RAB27B: variants seen among roughly 807,000 people sequenced by gnomAD.
The protein encoded by RAB27B is ras-related protein Rab-27B.
In RAB27B, 15 loss-of-function variants were observed where a neutral mutation model predicts 24.6. The observed-to-expected ratio is 0.61, with a 90% CI of 0.41 to 0.94. The LOEUF (loss-of-function observed/expected upper bound fraction) is 0.94. Among genes scored for constraint, RAB27B ranks in the 40% least tolerant of loss-of-function variants. The pLI is 0.00. For synonymous variants in RAB27B, 105 were observed against 92.5 expected, an observed-to-expected ratio of 1.14 and a Z score of -0.78; for missense variants, 261 against 266.8, an observed-to-expected ratio of 0.98 and a Z score of 0.15.
chr18:54,852,265 C>A (rs908602630), intron 1 of RAB27B, among the ~76,000 whole-genome samples: 1 of 152,126 alleles, frequency 6.6e-6, no homozygotes, highest in Non-Finnish European at 1.5e-5. Flanking sequence ...GATGACCCTA[C>A]AAATCCCTAC....
At chr18:54,739,039 G>A (rs1909988784) in intron 2 of RAB27B, among the ~76,000 whole-genome samples, 2 of 152,236 alleles carry the variant, frequency 1.3e-5, no homozygotes, top group South Asian at 2.1e-4. Flanking sequence ...ACATATAAAT[G>A]CATCATACAA....
At chr18:54,720,267 C>A (rs1909317705) in intron 2 of RAB27B, among the ~76,000 whole-genome samples, 1 of 151,966 alleles carries the variant, frequency 6.6e-6, no homozygotes, top group Non-Finnish European at 1.5e-5. Flanking sequence ...TATCCCAAGG[C>A]CTTGAAAAGT....
At chr18:54,822,871 C>A (rs545568101) in intron 2 of RAB27B, among the ~76,000 whole-genome samples, 2 of 152,174 alleles carry the variant, frequency 1.3e-5, no homozygotes, top group Non-Finnish European at 2.9e-5. Flanking sequence ...ATGTGAACAT[C>A]ACTCGTGAAA....
chr18:54,862,376 A>G (rs1213309111), intron 1 of RAB27B, among the ~76,000 whole-genome samples: 1 of 152,212 alleles, frequency 6.6e-6, no homozygotes, highest in East Asian at 1.9e-4. Context: ...CTATGTGCCA[A>G]GCTTTGCTGA....
intron 2 of RAB27B, among the ~76,000 whole-genome samples, chr18:54,767,084 G>A (rs891660684): frequency 1.3e-5 from 2 of 152,086 alleles, no homozygotes; most frequent in Admixed American, 1.3e-4. Context: ...GAAGAAGGTG[G>A]GGAAACTTTA....
At chr18:54,842,490 A>G (rs1469199488) in intron 1 of RAB27B, among the ~76,000 whole-genome samples, 1 of 143,206 alleles carries the variant, frequency 7.0e-6, no homozygotes, top group Non-Finnish European at 1.5e-5. Context: ...TTTAAGCATA[A>G]CTAGGTTTAT....
At chr18:54,810,083 A>G (rs943432288) in intron 2 of RAB27B, among the ~76,000 whole-genome samples, 1 of 152,214 alleles carries the variant, frequency 6.6e-6, no homozygotes, top group Non-Finnish European at 1.5e-5. Flanking sequence ...CATCCTCAAC[A>G]TATACAAAGA....
At chr18:54,884,621 G>C (rs3737476) in intron 4 of RAB27B, among the ~76,000 whole-genome samples, 185 bp downstream of exon 4, 42,982 of 152,070 alleles carry the variant, frequency 0.28, 6,198 homozygotes, top group East Asian at 0.36. Context: ...ACCCTAGGTA[G>C]CTTGGAATAG....
chr18:54,735,443 C>T (rs769036333), intron 2 of RAB27B, among the ~76,000 whole-genome samples: 3 of 152,158 alleles, frequency 2.0e-5, no homozygotes, highest in African/African-American at 4.8e-5. Context: ...CCTATCTAGA[C>T]GATGCATGGG....
intron 1 of RAB27B, among the ~76,000 whole-genome samples, chr18:54,863,628 C>A (rs1912093069): frequency 6.6e-6 from 1 of 152,136 alleles, no homozygotes; most frequent in Non-Finnish European, 1.5e-5. Context: ...AACACGTTCA[C>A]CCTTCCCCAC....
intron 1 of RAB27B, among the ~76,000 whole-genome samples, chr18:54,868,892 C>T (rs1169489210): frequency 1.3e-5 from 2 of 152,162 alleles, no homozygotes; most frequent in Non-Finnish European, 2.9e-5. Context: ...AGGCTATCAG[C>T]ATTTAAAAAT....
chr18:54,851,225 G>C (rs896491191), intron 1 of RAB27B, among the ~76,000 whole-genome samples: 1 of 151,944 alleles, frequency 6.6e-6, no homozygotes, highest in Admixed American at 6.6e-5. Flanking sequence ...TATTCATTTT[G>C]TCTCTCTATA....
chr18:54,855,540 G>C (rs1911750434), intron 1 of RAB27B, among the ~76,000 whole-genome samples: 1 of 152,118 alleles, frequency 6.6e-6, no homozygotes, highest in Non-Finnish European at 1.5e-5. Flanking sequence ...CTCTTGAGTG[G>C]AGTTCCCTCT....
chr18:54,738,324 TATA>T (rs1207475623), intron 2 of RAB27B, among the ~76,000 whole-genome samples: 2 of 152,168 alleles, frequency 1.3e-5, no homozygotes, highest in Non-Finnish European at 2.9e-5. Flanking sequence ...CATCTCAAAT[TATA>T]ATCCCCATAA....
At chr18:54,797,589 A>G (rs1464653936) in intron 2 of RAB27B, among the ~76,000 whole-genome samples, 2 of 152,230 alleles carry the variant, frequency 1.3e-5, no homozygotes, top group Non-Finnish European at 2.9e-5. Flanking sequence ...TCTAAAGAAC[A>G]GCCTTTCTCA....
At chr18:54,763,430 G>A (rs990962254) in intron 2 of RAB27B, among the ~76,000 whole-genome samples, 1 of 152,128 alleles carries the variant, frequency 6.6e-6, no homozygotes, top group Non-Finnish European at 1.5e-5. Flanking sequence ...TTCAGACCAA[G>A]TTGTTGCTTT....
intron 1 of RAB27B, among the ~76,000 whole-genome samples, chr18:54,862,570 C>T (rs1897475648): frequency 6.6e-6 from 1 of 152,208 alleles, no homozygotes; most frequent in African/African-American, 2.4e-5. Flanking sequence ...GACCTGGCTG[C>T]TCTTCTGCTG....
chr18:54,737,763 C>T (rs1025145012), intron 2 of RAB27B, among the ~76,000 whole-genome samples: 3 of 152,002 alleles, frequency 2.0e-5, no homozygotes, highest in Admixed American at 6.6e-5. Context: ...TTTTTCACTT[C>T]AAATGGATGT....
In RAB27B at chr18:54,892,532, G is replaced by C. The variant is rs1568120540; in HGVS notation, c.*3119G>C. 6.6e-6 allele frequency: 1 copy of C among 151,960 alleles called. No individual in the cohort carries two copies. Among genetic ancestry groups the C allele is most frequent in the Non-Finnish European group, 1.5e-5 (1 of 67,936 alleles). The allele number at this position is 151,960 out of a possible 1,614,324, so 9.4% of individuals were successfully genotyped here. The stretch of plus-strand genomic sequence containing the variant: ...ATTAGGTACAAGCTTACCTTTTAGG[G>C]TAGAAAAAGAAAGATCATTTGAAAA... On this transcript the variant is annotated 3_prime_UTR_variant, in exon 6 of 6. Coordinates refer to ENST00000262094, the MANE Select transcript of RAB27B (RefSeq NM_004163.4).
Sources: gnomAD v4.1 joint callset for allele counts (sites outside exome capture counted in the v4.1 genomes callset) on GRCh38, gnomAD v4.1.1 for gene constraint, MANE v1.5 for transcripts, NCBI Gene and HGNC (gene_info 2026-07-23, HGNC 2026-07-21) for gene names.